Variants in SCFD2 observed in about 807,000 individuals in gnomAD.
The protein encoded by SCFD2 is sec1 family domain-containing protein 2.
A neutral mutation model predicts 58.9 loss-of-function variants in SCFD2; 54 were observed. The ratio of observed to expected loss-of-function variants is 0.92; its 90% confidence interval spans 0.74 to 1.15. The LOEUF (loss-of-function observed/expected upper bound fraction) is 1.15, where lower values mean the gene tolerates loss of function less well. SCFD2 is among the 50% of genes most tolerant of loss of function. The pLI, the probability that SCFD2 is intolerant of heterozygous loss-of-function variation, is 0.00. For missense variants in SCFD2, 805 were observed against 836.6 expected (o/e 0.96, Z 0.47); for synonymous variants, 321 against 335.9 (o/e 0.96, Z 0.49).
chr4:52,999,787 G>A (rs970086311), intron 5 of SCFD2, among the ~76,000 whole-genome samples: 1 of 152,200 alleles, frequency 6.6e-6, no homozygotes, highest in Non-Finnish European at 1.5e-5. Flanking sequence ...ACCATCTGTT[G>A]CATTATGATC....
intron 4 of SCFD2, among the ~76,000 whole-genome samples, chr4:53,211,818 T>C (rs184731654): frequency 2.0e-5 from 3 of 152,272 alleles, no homozygotes; most frequent in African/African-American, 7.2e-5. Flanking sequence ...ATTTTATTTC[T>C]AAGATGGTTG....
At chr4:52,974,180 A>C (rs1355801184) in intron 5 of SCFD2, among the ~76,000 whole-genome samples, 6 of 152,110 alleles carry the variant, frequency 3.9e-5, no homozygotes, top group South Asian at 2.1e-4. Context: ...GGCAATCAGG[A>C]AGGAGAAGGA....
intron 4 of SCFD2, among the ~76,000 whole-genome samples, chr4:53,227,625 T>C (rs1484544073): frequency 6.6e-6 from 1 of 152,192 alleles, no homozygotes; most frequent in African/African-American, 2.4e-5. Context: ...GGCTGAGCAC[T>C]GGGAAGTCTA....
At chr4:53,117,331 A>G (rs570293248) in intron 5 of SCFD2, among the ~76,000 whole-genome samples, 1 of 152,282 alleles carries the variant, frequency 6.6e-6, no homozygotes, top group South Asian at 2.1e-4. Context: ...GATAGAGAAG[A>G]GGTGCATTCT....
chr4:53,285,689 T>C (rs1299383766), intron 3 of SCFD2, among the ~76,000 whole-genome samples: 1 of 151,842 alleles, frequency 6.6e-6, no homozygotes, highest in Non-Finnish European at 1.5e-5. Flanking sequence ...TCAGAGGATG[T>C]CACATAAAGA....
intron 5 of SCFD2, among the ~76,000 whole-genome samples, chr4:52,966,591 T>C (rs1168543677): frequency 6.6e-6 from 1 of 152,216 alleles, no homozygotes; most frequent in East Asian, 1.9e-4. Context: ...TCCCATCTTC[T>C]GCATCTAGTT....
chr4:53,119,894 TGA>T (rs910508347), intron 5 of SCFD2, among the ~76,000 whole-genome samples: 1 of 152,068 alleles, frequency 6.6e-6, no homozygotes, highest in African/African-American at 2.4e-5. Context: ...TAATCAGGGG[TGA>T]GAGAGTGTTG....
At chr4:53,262,903 A>T (rs1381372645) in intron 4 of SCFD2, among the ~76,000 whole-genome samples, 1 of 152,142 alleles carries the variant, frequency 6.6e-6, no homozygotes, top group Admixed American at 6.5e-5. Context: ...TTAGGTTCGG[A>T]TGCTTAACAT....
chr4:53,127,636 CG>C (rs1725665884), intron 5 of SCFD2, among the ~76,000 whole-genome samples: 1 of 152,128 alleles, frequency 6.6e-6, no homozygotes, highest in South Asian at 2.1e-4. Flanking sequence ...AGCTCGGAAA[CG>C]GTTAGCTGGG....
chr4:53,139,411 C>T (rs541343867), intron 5 of SCFD2, among the ~76,000 whole-genome samples: 3 of 131,336 alleles, frequency 2.3e-5, no homozygotes, highest in African/African-American at 7.5e-5. Context: ...GGCTGCCGGC[C>T]GTCATCCTGT....
chr4:53,210,937 A>G (rs1728589396), intron 4 of SCFD2, among the ~76,000 whole-genome samples: 1 of 151,976 alleles, frequency 6.6e-6, no homozygotes. Flanking sequence ...GCTGCCCTCA[A>G]GAAGCCTCCA....
chr4:53,288,674 G>A (rs1205164687), intron 3 of SCFD2, among the ~76,000 whole-genome samples: 3 of 152,142 alleles, frequency 2.0e-5, no homozygotes, highest in Admixed American at 1.3e-4. Context: ...CAGGAATGAA[G>A]GAGAAATAAT....
intron 5 of SCFD2, among the ~76,000 whole-genome samples, chr4:53,006,882 G>A (rs935022354): frequency 3.3e-5 from 5 of 152,128 alleles, no homozygotes; most frequent in African/African-American, 1.2e-4. Context: ...GACCCCACCT[G>A]AACAGGGCAG....
chr4:53,241,543 G>A (rs1261139931), intron 4 of SCFD2, among the ~76,000 whole-genome samples: 1 of 152,186 alleles, frequency 6.6e-6, no homozygotes, highest in Non-Finnish European at 1.5e-5. Context: ...GCGTGCTCCA[G>A]TAGAGCAGCC....
intron 2 of SCFD2, among the ~76,000 whole-genome samples, chr4:53,338,575 CTTTTTTTTT>C (rs56263068): frequency 1.4e-5 from 1 of 72,296 alleles, no homozygotes; most frequent in Non-Finnish European, 2.5e-5. Flanking sequence ...GTATATTTTT[CTTTTTTTTT>C]TTTTTTTTTT....
intron 4 of SCFD2, among the ~76,000 whole-genome samples, chr4:53,252,514 A>G (rs1165524475): frequency 2.0e-5 from 3 of 150,410 alleles, no homozygotes; most frequent in East Asian, 3.9e-4. Context: ...CCAAAACAGC[A>G]TGGTACTGGT....
chr4:53,122,143 G>A (rs754995786), intron 5 of SCFD2, among the ~76,000 whole-genome samples: 30 of 152,138 alleles, frequency 2.0e-4, no homozygotes, highest in Non-Finnish European at 4.0e-4. Flanking sequence ...TCGGGAGGCT[G>A]AGGCAGGTGG....
chr4:53,293,887 C>T (rs563645850), intron 3 of SCFD2, among the ~76,000 whole-genome samples: 1 of 151,792 alleles, frequency 6.6e-6, no homozygotes, highest in African/African-American at 2.4e-5. Flanking sequence ...CCCAGCCTCC[C>T]ACCCCCTGAC....
At chr4:53,285,762 G>T (rs1731644778) in intron 3 of SCFD2, among the ~76,000 whole-genome samples, 1 of 151,972 alleles carries the variant, frequency 6.6e-6, no homozygotes, top group African/African-American at 2.4e-5. Flanking sequence ...TCCTTGAGGG[G>T]AAAGGGTAAG....
Sources: gnomAD v4.1 joint callset for allele counts (sites outside exome capture counted in the v4.1 genomes callset) on GRCh38, gnomAD v4.1.1 for gene constraint, MANE v1.5 for transcripts, NCBI Gene and HGNC (gene_info 2026-07-23, HGNC 2026-07-21) for gene names.